RPS6KA5: variants seen among roughly 807,000 people sequenced by gnomAD.
The protein encoded by RPS6KA5 is ribosomal protein S6 kinase A5, also known as ribosomal protein S6 kinase alpha-5.
In RPS6KA5, 27 loss-of-function variants were observed where a neutral mutation model predicts 85.5. The observed-to-expected ratio is 0.32, with a 90% CI of 0.23 to 0.44. RPS6KA5 has a LOEUF of 0.44. Among genes scored for constraint, RPS6KA5 ranks in the 20% least tolerant of loss-of-function variants. The pLI, the probability that RPS6KA5 is intolerant of heterozygous loss-of-function variation, is 1.00. For synonymous variants in RPS6KA5, 334 were observed against 348.2 expected (o/e 0.96, Z 0.46); for missense variants, 811 against 980.9 (o/e 0.83, Z 2.31).
chr14:91,029,806 T>C (rs75486330), intron 1 of RPS6KA5, among the ~76,000 whole-genome samples: 23,539 of 152,190 alleles, frequency 0.15, 1,950 homozygotes, highest in East Asian at 0.31. Context: ...ATAGTAATTA[T>C]ACAATATATG....
At chr14:91,014,998 C>CA (rs138944591) in intron 1 of RPS6KA5, among the ~76,000 whole-genome samples, 2,723 of 152,212 alleles carry the variant, frequency 0.018, 63 homozygotes, top group African/African-American at 0.063. Context: ...TATTATAAAA[C>CA]AAATAGTTTA....
chr14:90,967,025 T>C (rs1160940925), intron 3 of RPS6KA5, among the ~76,000 whole-genome samples: 1 of 152,188 alleles, frequency 6.6e-6, no homozygotes, highest in Admixed American at 6.5e-5. Context: ...TCCATCTTTA[T>C]GACAATAATT....
At chr14:91,010,428 T>G (rs980884149) in intron 1 of RPS6KA5, among the ~76,000 whole-genome samples, 2 of 152,128 alleles carry the variant, frequency 1.3e-5, no homozygotes, top group African/African-American at 4.8e-5. Flanking sequence ...ACCATGGAGA[T>G]TTCATAGAGC....
chr14:90,896,419 G>A (rs1195493076), intron 12 of RPS6KA5, among the ~76,000 whole-genome samples: 3 of 152,172 alleles, frequency 2.0e-5, no homozygotes, highest in Non-Finnish European at 4.4e-5. Flanking sequence ...CTTGAATGAT[G>A]GCCCTCCAAA....
chr14:90,958,831 G>C (rs574844029), intron 3 of RPS6KA5, among the ~76,000 whole-genome samples: 18 of 151,964 alleles, frequency 1.2e-4, no homozygotes, highest in Non-Finnish European at 1.9e-4. Flanking sequence ...TTAATGAGTT[G>C]GAAGGTCATG....
chr14:90,934,869 T>C (rs2140329765), intron 5 of RPS6KA5, among the ~76,000 whole-genome samples: 1 of 152,282 alleles, frequency 6.6e-6, no homozygotes, highest in Non-Finnish European at 1.5e-5. Flanking sequence ...CATCTGAATA[T>C]TGTGTAATAG....
chr14:90,962,845 C>A (rs74415191), intron 3 of RPS6KA5, among the ~76,000 whole-genome samples: 1 of 152,112 alleles, frequency 6.6e-6, no homozygotes, highest in Non-Finnish European at 1.5e-5. Context: ...CCTGAACCAG[C>A]TGAGAATACG....
intron 1 of RPS6KA5, among the ~76,000 whole-genome samples, chr14:91,041,124 A>G (rs1289213515): frequency 6.6e-6 from 1 of 152,194 alleles, no homozygotes; most frequent in Non-Finnish European, 1.5e-5. Context: ...CCTGAGGATC[A>G]GGAAAAGGGG....
At chr14:90,872,552 A>G (rs1311897452) in intron 16 of RPS6KA5, among the ~76,000 whole-genome samples, 1 of 152,182 alleles carries the variant, frequency 6.6e-6, no homozygotes, top group Non-Finnish European at 1.5e-5. Context: ...AGGCGGTCTG[A>G]GAGTCACAAT....
chr14:90,889,358 T>C (rs2034425289), intron 14 of RPS6KA5, among the ~76,000 whole-genome samples: 1 of 147,526 alleles, frequency 6.8e-6, no homozygotes, highest in South Asian at 2.1e-4. Flanking sequence ...TTCAAATGCA[T>C]GAAAAGATGC....
intron 2 of RPS6KA5, among the ~76,000 whole-genome samples, chr14:90,985,017 C>T (rs1457437642): frequency 5.9e-5 from 9 of 152,016 alleles, no homozygotes; most frequent in Admixed American, 1.3e-4. Flanking sequence ...CTTGGCTCAC[C>T]ACAACCTCCA....
At chr14:90,889,978 G>A (rs185016029) in intron 14 of RPS6KA5, among the ~76,000 whole-genome samples, 24 of 152,196 alleles carry the variant, frequency 1.6e-4, no homozygotes, top group Admixed American at 3.9e-4. Context: ...CTAGCTTAAC[G>A]TTCTATTTCT....
In RPS6KA5 at chr14:90,872,214, T is replaced by TG; in HGVS notation, c.2268dup (p.Ser757GlnfsTer5). 6.2e-7 allele frequency: 1 copy of TG among 1,614,076 alleles called. No homozygotes were observed. Among genetic ancestry groups the TG allele is most frequent in the Non-Finnish European group, 8.5e-7 (1 of 1,180,014 alleles). ...GAATGGGAACTCTCACTGGAACTGC[T>TG]GCGCGTCTCGGTACTGGTGCTAGTC... On this transcript the variant is annotated frameshift_variant, in exon 17 of 17. Transcript: ENST00000614987. LOFTEE classifies it high-confidence loss of function.
intron 3 of RPS6KA5, among the ~76,000 whole-genome samples, chr14:90,974,470 T>C (rs1451996661): frequency 6.6e-6 from 1 of 152,214 alleles, no homozygotes; most frequent in Non-Finnish European, 1.5e-5. Flanking sequence ...GTTCCCCTCT[T>C]CAAGAGGTGA....
intron 3 of RPS6KA5, among the ~76,000 whole-genome samples, chr14:90,949,233 A>G (rs1269020512): frequency 6.6e-6 from 1 of 152,232 alleles, no homozygotes; most frequent in Non-Finnish European, 1.5e-5. Context: ...CATGACACAG[A>G]AAGAAGCACG....
chr14:90,932,038 T>C (rs986947039), intron 5 of RPS6KA5, among the ~76,000 whole-genome samples: 3 of 152,236 alleles, frequency 2.0e-5, no homozygotes, highest in Admixed American at 6.5e-5. Context: ...CCACATACTC[T>C]TTACCTGCAC....
chr14:90,933,973 A>G (rs1175615536), intron 5 of RPS6KA5, among the ~76,000 whole-genome samples: 1 of 152,188 alleles, frequency 6.6e-6, no homozygotes, highest in Non-Finnish European at 1.5e-5. Flanking sequence ...TCTCTACTGC[A>G]CTATCACCTT....
intron 3 of RPS6KA5, among the ~76,000 whole-genome samples, chr14:90,970,551 T>C (rs1314314590): frequency 6.6e-6 from 1 of 152,236 alleles, no homozygotes. Context: ...ATCTTGTGAA[T>C]TCTGATTAAT....
rs1039296069 is a variant in RPS6KA5, at chr14:90,871,903, T to A, written c.*171A>T. On this transcript the variant is annotated 3_prime_UTR_variant, in exon 17 of 17. Coordinates refer to ENST00000614987, the MANE Select transcript of RPS6KA5 (RefSeq NM_004755.4). The stretch of plus-strand genomic sequence containing the variant: ...GTGCTCTATTCACAGTAACATTCTC[T>A]GTCCAGTGCTTTTGAATGAGGATAA... The A allele has an allele frequency of 1.3e-6, 1 of 759,468 alleles. No homozygotes were observed. 47.0% of individuals were successfully genotyped at this position (759,468 alleles called of 1,614,324 possible). A position where few individuals can be genotyped will look rare whatever the true frequency, so the allele number is the denominator to read the frequency against.
Sources: allele counts gnomAD v4.1 joint callset (sites outside exome capture counted in the v4.1 genomes callset), GRCh38; gene constraint gnomAD v4.1.1; transcripts MANE v1.5; gene names NCBI Gene and HGNC (gene_info 2026-07-23, HGNC 2026-07-21).